The following FSHR variants were observed in gnomAD, a reference collection of about 807,000 sequenced individuals.
The protein encoded by FSHR is follicle stimulating hormone receptor.
In FSHR, 46 loss-of-function variants were observed where a neutral mutation model predicts 52.1. The observed-to-expected ratio is 0.88, with a 90% CI of 0.70 to 1.13. The LOEUF (loss-of-function observed/expected upper bound fraction) is 1.13, where lower values mean the gene tolerates loss of function less well. FSHR is among the 50% of genes most tolerant of loss of function. The pLI is 0.00. For synonymous variants in FSHR, 399 were observed against 309.6 expected (o/e 1.29, Z -3.03); for missense variants, 964 against 834.6 (o/e 1.16, Z -1.91).
intron 1 of FSHR, among the ~76,000 whole-genome samples, chr2:49,094,753 A>G (rs1283623664): frequency 6.6e-6 from 1 of 152,140 alleles, no homozygotes; most frequent in African/African-American, 2.4e-5. Flanking sequence ...AAACTTTAAG[A>G]AATTAGAGAA....
chr2:49,088,200 G>A (rs1298140467), intron 1 of FSHR, among the ~76,000 whole-genome samples: 3 of 152,176 alleles, frequency 2.0e-5, no homozygotes, highest in Non-Finnish European at 2.9e-5. Flanking sequence ...GGTGCAGAGG[G>A]ATAAGAGAAT....
chr2:48,986,056 G>T (rs1357530320), intron 6 of FSHR, among the ~76,000 whole-genome samples: 1 of 152,186 alleles, frequency 6.6e-6, no homozygotes, highest in Non-Finnish European at 1.5e-5. Flanking sequence ...ACGTCATGGG[G>T]TTTGGTGGAC....
chr2:49,094,434 C>G (rs1434897163), intron 1 of FSHR, among the ~76,000 whole-genome samples: 1 of 152,098 alleles, frequency 6.6e-6, no homozygotes, highest in Non-Finnish European at 1.5e-5. Context: ...TGTTGCATTT[C>G]CTTTATTATT....
chr2:49,037,870 A>G (rs1200741746), intron 2 of FSHR, among the ~76,000 whole-genome samples: 1 of 152,212 alleles, frequency 6.6e-6, no homozygotes, highest in Non-Finnish European at 1.5e-5. Context: ...GGATAAAAAT[A>G]ACAATAAGAA....
intron 1 of FSHR, among the ~76,000 whole-genome samples, chr2:49,136,860 C>T (rs202174501): frequency 1.3e-5 from 2 of 151,930 alleles, no homozygotes; most frequent in Non-Finnish European, 2.9e-5. Context: ...AGGAAACTTC[C>T]GCAGTCTGAT....
At chr2:49,102,329 A>G (rs1015574453) in intron 1 of FSHR, among the ~76,000 whole-genome samples, 1 of 152,124 alleles carries the variant, frequency 6.6e-6, no homozygotes, top group Admixed American at 6.6e-5. Context: ...AAAAAATTTG[A>G]TAATGCTGAT....
At chr2:49,012,341 TA>T (rs948693899) in intron 4 of FSHR, among the ~76,000 whole-genome samples, 6 of 152,108 alleles carry the variant, frequency 3.9e-5, no homozygotes, top group African/African-American at 7.2e-5. Flanking sequence ...AATATTGACT[TA>T]AAAAAATCCA....
chr2:48,980,537 CAGG>C (rs1333215517), intron 8 of FSHR, among the ~76,000 whole-genome samples: 1 of 152,206 alleles, frequency 6.6e-6, no homozygotes, highest in Non-Finnish European at 1.5e-5. Context: ...TGTGCAACCT[CAGG>C]AGATGTTCTT....
intron 4 of FSHR, among the ~76,000 whole-genome samples, chr2:49,004,388 C>G (rs1219426205): frequency 6.6e-6 from 1 of 152,168 alleles, no homozygotes; most frequent in African/African-American, 2.4e-5. Context: ...GGAAGAGGAG[C>G]TGGGAAGTGA....
chr2:48,979,737 C>CAAGG (rs1304918060), intron 8 of FSHR, among the ~76,000 whole-genome samples: 1 of 151,996 alleles, frequency 6.6e-6, no homozygotes. Flanking sequence ...CTGCTTCCAT[C>CAAGG]AAGGGTTCCC....
intron 2 of FSHR, among the ~76,000 whole-genome samples, chr2:49,060,815 C>A (rs1030720780): frequency 5.9e-5 from 9 of 151,964 alleles, no homozygotes; most frequent in Non-Finnish European, 1.2e-4. Flanking sequence ...TGTACCCACT[C>A]CCCCCCGGCC....
intron 6 of FSHR, among the ~76,000 whole-genome samples, chr2:48,988,023 C>A (rs555901567): frequency 6.6e-6 from 1 of 152,236 alleles, no homozygotes; most frequent in South Asian, 2.1e-4. Context: ...AATCTGTTTT[C>A]AAACTTTTTC....
At chr2:49,074,652 C>G (rs975863057) in intron 1 of FSHR, among the ~76,000 whole-genome samples, 9 of 152,054 alleles carry the variant, frequency 5.9e-5, no homozygotes, top group Non-Finnish European at 1.3e-4. Flanking sequence ...ATCATATGAT[C>G]CAGCAATCCT....
intron 2 of FSHR, among the ~76,000 whole-genome samples, chr2:49,051,260 C>T (rs1668845668): frequency 1.3e-5 from 2 of 152,208 alleles, no homozygotes; most frequent in Middle Eastern, 6.8e-3. Flanking sequence ...AAGAAACTGA[C>T]AAACTGTTTA....
intron 1 of FSHR, among the ~76,000 whole-genome samples, chr2:49,087,234 G>A (rs1401754006): frequency 1.3e-5 from 2 of 151,830 alleles, no homozygotes; most frequent in Non-Finnish European, 2.9e-5. Context: ...TAGGCTTTTT[G>A]GTAACTGGGG....
chr2:49,152,159 G>A (rs1332118071), intron 1 of FSHR, among the ~76,000 whole-genome samples: 1 of 152,104 alleles, frequency 6.6e-6, no homozygotes, highest in Non-Finnish European at 1.5e-5. Flanking sequence ...ACACCTGGCA[G>A]GAACTTTCTT....
intron 2 of FSHR, among the ~76,000 whole-genome samples, chr2:49,065,446 A>C (rs1199294708): frequency 3.3e-5 from 5 of 152,220 alleles, no homozygotes; most frequent in African/African-American, 1.2e-4. Flanking sequence ...GCACCTTGGC[A>C]TAAGGGATAG....
At chr2:49,009,328 G>C (rs1165538212) in intron 4 of FSHR, among the ~76,000 whole-genome samples, 3 of 151,954 alleles carry the variant, frequency 2.0e-5, no homozygotes, top group African/African-American at 7.3e-5. Flanking sequence ...TCAAAGATCA[G>C]ATAGTTGTAG....
At chr2:49,013,811 C>A (rs1216925894) in intron 4 of FSHR, among the ~76,000 whole-genome samples, 1 of 151,776 alleles carries the variant, frequency 6.6e-6, no homozygotes, top group Non-Finnish European at 1.5e-5. Context: ...GGAACCTAAC[C>A]CTCAATGTGA....
Sources: gnomAD v4.1 joint callset for allele counts (sites outside exome capture counted in the v4.1 genomes callset) on GRCh38, gnomAD v4.1.1 for gene constraint, MANE v1.5 for transcripts, NCBI Gene and HGNC (gene_info 2026-07-23, HGNC 2026-07-21) for gene names.